The following SLC2A4 variants were observed in gnomAD, a reference collection of about 807,000 sequenced individuals.
The protein encoded by SLC2A4 is solute carrier family 2, facilitated glucose transporter member 4.
Under a neutral mutation model 53.3 loss-of-function variants are expected in SLC2A4, and 31 were observed. The ratio of observed to expected loss-of-function variants is 0.58; its 90% CI spans 0.44 to 0.78. SLC2A4 has a LOEUF of 0.78. Among genes scored for constraint, SLC2A4 ranks in the 30% least tolerant of loss-of-function variants. The pLI, the probability that SLC2A4 is intolerant of heterozygous loss-of-function variation, is 0.00. For synonymous variants in SLC2A4, 276 were observed against 281.9 expected, an observed-to-expected ratio of 0.98 and a Z score of 0.21; for missense variants, 538 against 655.7, an observed-to-expected ratio of 0.82 and a Z score of 1.96.
rs767598316 is a variant in SLC2A4, at chr17:7,284,429, T to C, written c.727+50T>C. 5 of 1,614,042 alleles carry C rather than the reference T, an allele frequency of 3.1e-6. No individual in the cohort carries two copies. Among genetic ancestry groups the C allele is most frequent in the Non-Finnish European group, 4.2e-6 (5 of 1,180,000 alleles). ...CCCAGGCCCATGCCTCCGCCTCATC[T>C]TGCTAGCACCTGGCTTCCTCTCAGG... On this transcript the variant is annotated intron_variant, in intron 6 of 10. Coordinates refer to ENST00000317370, the MANE Select transcript of SLC2A4 (RefSeq NM_001042.3). This position sits in a 1 kb window ranked among gnomAD's most constrained non-coding sequence, Gnocchi z 7.5.
chr17:7,284,510 C>T lies in SLC2A4; in HGVS notation c.753C>T (p.Ala251=), dbSNP rs1330145477. 3.7e-6 allele frequency: 6 copies of T among 1,614,134 alleles called. No individual in the cohort carries two copies. Among genetic ancestry groups the T allele is most frequent in the Admixed American group, 1.7e-5 (1 of 60,008 alleles). The change falls in exon 7 of 11, where the codon GCC becomes GCT. Residue 251 remains alanine, a synonymous_variant. Coordinates refer to ENST00000317370, the MANE Select transcript of SLC2A4 (RefSeq NM_001042.3). The surrounding 1 kb of genome is among the most constrained non-coding windows in gnomAD (Gnocchi z 7.5). ...GTCTGAAGCGCCTGACAGGCTGGGC[C>T]GATGTTTCTGGAGTGCTGGCTGAGC... is the stretch of plus-strand genomic sequence containing the variant. ...RKSLKRLTGW[A]DVSGVLAELK...
In SLC2A4 at chr17:7,283,908, A is replaced by C; in HGVS notation, c.448+46A>C. 1.2e-6 allele frequency: 2 copies of C among 1,613,804 alleles called. No homozygotes were observed. Among genetic ancestry groups the C allele is most frequent in the Non-Finnish European group, 1.7e-6 (2 of 1,179,918 alleles). ...CCTGCCTAGCGCCCTGTTCTCTTTC[A>C]CCATGCCTGGGCTTTCAGATGGGAA... On this transcript the variant is annotated intron_variant, in intron 4 of 10. Transcript: ENST00000317370. The surrounding 1 kb of genome is among the most constrained non-coding windows in gnomAD (Gnocchi z 5.8).
rs775685895 is a variant in SLC2A4 at position 7,284,602 on chromosome 17, G to A, written c.845G>A (p.Arg282His). Residue 282 changes from arginine to histidine, a missense_variant, in exon 7 of 11, where the codon CGT becomes CAT. Transcript: ENST00000317370. This position sits in a 1 kb window ranked among gnomAD's most constrained non-coding sequence, Gnocchi z 7.5. ...TCCCTGCTCCAGCTCCTGGGCAGCC[G>A]TACCCACCGGCAGCCCCTGATCATT... is the stretch of plus-strand genomic sequence containing the variant. ...PLSLLQLLGS[R>H]THRQPLIIAV... The A allele has an allele frequency of 2.5e-5, 41 of 1,614,020 alleles. No individual in the cohort carries two copies. The highest frequency in any genetic ancestry group is 5.0e-5 in the Admixed American group (3 of 60,010).
chr17:7,283,277 G>C lies in SLC2A4; in HGVS notation c.66G>C (p.Gly22=), dbSNP rs142195514. The change falls in exon 2 of 11, where the codon GGG becomes GGC. Residue 22 remains glycine, a synonymous_variant. Transcript: ENST00000317370. This position sits in a 1 kb window ranked among gnomAD's most constrained non-coding sequence, Gnocchi z 5.8. ...DGEPPQQRVT[G]TLVLAVFSAV... Reference sequence around the variant, plus strand: ...AACCCCCTCAGCAGCGAGTGACTGGGACCCTGGTCCTTGCTGTGTTCTCTG... The same window carrying C: ...AACCCCCTCAGCAGCGAGTGACTGGCACCCTGGTCCTTGCTGTGTTCTCTG... 1 of 1,614,058 alleles carries C rather than the reference G, an allele frequency of 6.2e-7. No homozygotes were observed. The highest frequency in any genetic ancestry group is 2.2e-5 in the East Asian group (1 of 44,898).
chr17:7,286,983 A>AC lies in SLC2A4; in HGVS notation c.*355dup. ...GGGATTGGAGGGAAGACAGGTCTAG[A>AC]CTTTCTCAGTGGGACAAACCAGAGC... On this transcript the variant is annotated 3_prime_UTR_variant, in exon 11 of 11. Transcript: ENST00000317370. 2.9e-6 allele frequency: 1 copy of AC among 342,204 alleles called. No individual in the cohort carries two copies. The highest frequency in any genetic ancestry group is 2.5e-5 in the South Asian group (1 of 39,462). 21.2% of individuals were successfully genotyped at this position (342,204 alleles called of 1,614,324 possible).
rs1567601210 is a variant in SLC2A4, at chr17:7,282,001, G to GGGGC, written c.33+34_33+35insGGGC. On this transcript the variant is annotated intron_variant, in intron 1 of 10. Transcript: ENST00000317370. This position sits in a 1 kb window ranked among gnomAD's most constrained non-coding sequence, Gnocchi z 4.1. ...CATCATGAGGGGGCGGGGCGGGGGG[G>GGGGC]CACGGGTCCCGCTTTTCTTGGGCTG... 2.4e-5 allele frequency: 13 copies of GGGGC among 534,988 alleles called. No homozygotes were observed. The highest frequency in any genetic ancestry group is 6.5e-5 in the Admixed American group (3 of 46,156). The allele number at this position is 534,988 out of a possible 1,614,324, so 33.1% of individuals were successfully genotyped here. A position where few individuals can be genotyped will look rare whatever the true frequency, so the allele number is the denominator to read the frequency against.
chr17:7,287,115 G>GGTTCTCTTT lies in SLC2A4; in HGVS notation c.*486_*487insGTTCTCTTT, dbSNP rs542749322. On this transcript the variant is annotated 3_prime_UTR_variant, in exon 11 of 11. Coordinates refer to ENST00000317370, the MANE Select transcript of SLC2A4 (RefSeq NM_001042.3). ...TGCCACGCAGACTCTGGGCAAAGGG[G>GGTTCTCTTT]TTTTTTTTTTTTTTTTTTTTTTTTT... 9 of 97,696 alleles carry GGTTCTCTTT rather than the reference G, an allele frequency of 9.2e-5. 4 individuals carry two copies. Among genetic ancestry groups the GGTTCTCTTT allele is most frequent in the Non-Finnish European group, 1.0e-4 (5 of 49,466 alleles). 6.1% of individuals were successfully genotyped at this position (97,696 alleles called of 1,614,324 possible). A position where few individuals can be genotyped will look rare whatever the true frequency, so the allele number is the denominator to read the frequency against.
chr17:7,284,687 G>A lies in SLC2A4; in HGVS notation c.915+15G>A. The A allele has an allele frequency of 1.2e-6, 2 of 1,613,624 alleles. No homozygotes were observed. On this transcript the variant is annotated intron_variant, in intron 7 of 10. Coordinates refer to ENST00000317370, the MANE Select transcript of SLC2A4 (RefSeq NM_001042.3). The surrounding 1 kb of genome is among the most constrained non-coding windows in gnomAD (Gnocchi z 7.5). ...GCATCAATGCTGTATGTGTGGAGCAGCCTCCAGGCAGGGCACAGCCCCGGG... is the reference window on the plus strand; with the variant it reads ...GCATCAATGCTGTATGTGTGGAGCAACCTCCAGGCAGGGCACAGCCCCGGG...
At chr17:7,286,009 C>T (rs751549160) in intron 10 of SLC2A4, 101 bp downstream of exon 10, 266 of 1,142,228 alleles carry the variant, frequency 2.3e-4, no homozygotes, top group Admixed American at 1.6e-3. Flanking sequence ...AGCCACAGAC[C>T]ATGGGTCTTT....
rs780823539 is a variant in SLC2A4, at chr17:7,282,170, C to T, written c.33+203C>T. On this transcript the variant is annotated intron_variant, in intron 1 of 10. Transcript: ENST00000317370. This position sits in a 1 kb window ranked among gnomAD's most constrained non-coding sequence, Gnocchi z 4.1. Reference sequence around the variant, plus strand: ...AAAAGGCAGAGTGGGTCTGGAGGGCCTTTCGGGGCACAGGCAGCAAGTGGA... The same window carrying T: ...AAAAGGCAGAGTGGGTCTGGAGGGCTTTTCGGGGCACAGGCAGCAAGTGGA... 60 of 636,132 alleles carry T rather than the reference C, an allele frequency of 9.4e-5. No individual in the cohort carries two copies. The Admixed American group carries it at 1.4e-3, about 14-fold the overall frequency. 39.4% of individuals were successfully genotyped at this position (636,132 alleles called of 1,614,324 possible). A position where few individuals can be genotyped will look rare whatever the true frequency, so the allele number is the denominator to read the frequency against.
rs1406626498 is a variant in SLC2A4, at chr17:7,284,465, C to A, written c.728-20C>A. On this transcript the variant is annotated intron_variant, in intron 6 of 10. Coordinates refer to ENST00000317370, the MANE Select transcript of SLC2A4 (RefSeq NM_001042.3). The surrounding 1 kb of genome is among the most constrained non-coding windows in gnomAD (Gnocchi z 7.5). ...TGGCTTCCTCTCAGGTCCCCTCAGG[C>A]CTGACCTTCCCTTCTCCAGGTCTGA... The A allele has an allele frequency of 2.5e-6, 4 of 1,614,118 alleles. No individual in the cohort carries two copies. Among genetic ancestry groups the A allele is most frequent in the East Asian group, 2.2e-5 (1 of 44,900 alleles).
At position 7,284,948 on chromosome 17, in the gene SLC2A4, T is replaced by C. The variant is rs370830772; in HGVS notation, c.1020+9T>C. ...TCTTCACCTTGGTCTCGGTAACTGC[T>C]CACCTCTGGAATGGCCCGAGCCACT... is the stretch of plus-strand genomic sequence containing the variant. On this transcript the variant is annotated intron_variant, in intron 8 of 10. Coordinates refer to ENST00000317370, the MANE Select transcript of SLC2A4 (RefSeq NM_001042.3). This position sits in a 1 kb window ranked among gnomAD's most constrained non-coding sequence, Gnocchi z 7.5. The C allele has an allele frequency of 6.2e-7, 1 of 1,614,186 alleles. No individual in the cohort carries two copies. Among genetic ancestry groups the C allele is most frequent in the Non-Finnish European group, 8.5e-7 (1 of 1,180,022 alleles).
At chr17:7,286,126 A>G (rs2072447623) in intron 10 of SLC2A4, 2 of 612,070 alleles carry the variant, frequency 3.3e-6, no homozygotes, top group African/African-American at 3.7e-5. Flanking sequence ...GGCATAACTT[A>G]CCTTACTCCA....
In SLC2A4 at chr17:7,284,519, T is replaced by C. The variant is rs773237062; in HGVS notation, c.762T>C (p.Ser254=). Residue 254 remains serine, a synonymous_variant, in exon 7 of 11, where the codon TCT becomes TCC. Coordinates refer to ENST00000317370, the MANE Select transcript of SLC2A4 (RefSeq NM_001042.3). The surrounding 1 kb of genome is among the most constrained non-coding windows in gnomAD (Gnocchi z 7.5). The stretch of plus-strand genomic sequence containing the variant: ...GCCTGACAGGCTGGGCCGATGTTTC[T>C]GGAGTGCTGGCTGAGCTGAAGGATG... The part of the protein sequence containing the change: ...LKRLTGWADV[S]GVLAELKDEK... 5 of 1,614,252 alleles carry C rather than the reference T, an allele frequency of 3.1e-6. No homozygotes were observed. The highest frequency in any genetic ancestry group is 1.7e-5 in the Admixed American group (1 of 60,030).
In SLC2A4 at chr17:7,283,705, C is replaced by T. The variant is rs1465240912; in HGVS notation, c.324-33C>T. On this transcript the variant is annotated intron_variant, in intron 3 of 10. Transcript: ENST00000317370. The surrounding 1 kb of genome is among the most constrained non-coding windows in gnomAD (Gnocchi z 5.8). ...GAAGGGAGCCACTGCTGGGTGCCCT[C>T]ACCCTCACAGCCTCACTCTGTCTGC... 11 of 1,613,840 alleles carry T rather than the reference C, an allele frequency of 6.8e-6. No homozygotes were observed. Among genetic ancestry groups the T allele is most frequent in the Non-Finnish European group, 9.3e-6 (11 of 1,180,026 alleles).
chr17:7,283,361 G>A lies in SLC2A4; in HGVS notation c.150G>A (p.Lys50=). The A allele has an allele frequency of 6.2e-7, 1 of 1,611,868 alleles. No homozygotes were observed. ...YNIGVINAPQ[K]VIEQSYNETW... is the part of the protein sequence containing the mutation. Reference sequence around the variant, plus strand: ...TTGGGGTCATCAATGCCCCTCAGAAGGTGAGGGCCTGCAGCTGGCAGGGTG... The same window carrying A: ...TTGGGGTCATCAATGCCCCTCAGAAAGTGAGGGCCTGCAGCTGGCAGGGTG... Residue 50 remains lysine (K), a splice_region_variant and synonymous_variant, in exon 2 of 11, where the codon AAG becomes AAA. Coordinates refer to ENST00000317370, the MANE Select transcript of SLC2A4 (RefSeq NM_001042.3). The surrounding 1 kb of genome is among the most constrained non-coding windows in gnomAD (Gnocchi z 5.8).
Position 7,281,867 on chromosome 17 carries a change from A to T in SLC2A4, c.-68A>T. The T allele has an allele frequency of 6.6e-7, 1 of 1,521,080 alleles. No homozygotes were observed. The highest frequency in any genetic ancestry group is 2.4e-5 in the East Asian group (1 of 41,622). The allele number at this position is 1,521,080 out of a possible 1,614,324, so 94.2% of individuals were successfully genotyped here. Reference sequence around the variant, plus strand: ...CCGCAGGTTCTGCGCTCCAGGCCGGAGTCAGAGACTCCAGGATCGGTTCTT... The same window carrying T: ...CCGCAGGTTCTGCGCTCCAGGCCGGTGTCAGAGACTCCAGGATCGGTTCTT... On this transcript the variant is annotated 5_prime_UTR_variant, in exon 1 of 11. Transcript: ENST00000317370.
rs1416886664 is a variant in SLC2A4 at position 7,286,575 on chromosome 17, G to A, written c.1476G>A (p.Gln492=). ...AFHRTPSLLE[Q]EVKPSTELEY... is the part of the protein sequence containing the mutation. The stretch of plus-strand genomic sequence containing the variant: ...ACCGGACACCCTCTCTTTTAGAGCA[G>A]GAGGTGAAACCCAGCACAGAACTTG... The change falls in exon 11 of 11, where the codon CAG becomes CAA. Residue 492 remains glutamine (Q), a synonymous_variant. Transcript: ENST00000317370. 1.2e-6 allele frequency: 2 copies of A among 1,614,210 alleles called. No homozygotes were observed. Among genetic ancestry groups the A allele is most frequent in the Non-Finnish European group, 8.5e-7 (1 of 1,180,036 alleles).
In SLC2A4 at chr17:7,284,898, A is replaced by G; in HGVS notation, c.979A>G (p.Ile327Val). Residue 327 changes from isoleucine (I) to valine (V), a missense_variant, in exon 8 of 11, where the codon ATA becomes GTA. Coordinates refer to ENST00000317370, the MANE Select transcript of SLC2A4 (RefSeq NM_001042.3). This position sits in a 1 kb window ranked among gnomAD's most constrained non-coding sequence, Gnocchi z 7.5. ...AGVGQPAYAT[I>V]GAGVVNTVFT... ...GGTAGGCCAGCCTGCCTATGCCACC[A>G]TAGGAGCTGGTGTGGTCAACACAGT... 6.2e-7 allele frequency: 1 copy of G among 1,614,078 alleles called. No homozygotes were observed. The highest frequency in any genetic ancestry group is 8.5e-7 in the Non-Finnish European group (1 of 1,179,986).
Sources: gnomAD v4.1 joint callset for allele counts on GRCh38, gnomAD v4.1.1 for gene constraint, Gnocchi (gnomAD v3.1) non-coding constraint, MANE v1.5 for transcripts, NCBI Gene and HGNC (gene_info 2026-07-23, HGNC 2026-07-21) for gene names.